Variants in INTU observed in about 807,000 individuals in gnomAD.
The protein encoded by INTU is protein inturned.
A neutral mutation model predicts 100.5 loss-of-function variants in INTU; 68 were observed. That is an observed-to-expected ratio of 0.68 (90% CI 0.56 to 0.83). The LOEUF (loss-of-function observed/expected upper bound fraction) is 0.83. INTU is among the 40% of genes least tolerant of loss of function. INTU has a pLI of 0.00. For missense variants in INTU, 1,071 were observed against 1,114.7 expected, an observed-to-expected ratio of 0.96 and a Z score of 0.56; for synonymous variants, 357 against 395.7, an observed-to-expected ratio of 0.90 and a Z score of 1.16.
At chr4:127,666,234 G>C (rs769158643) in intron 4 of INTU, among the ~76,000 whole-genome samples, 9 of 151,954 alleles carry the variant, frequency 5.9e-5, no homozygotes, top group Non-Finnish European at 1.0e-4. Flanking sequence ...TCATCTTTGT[G>C]ACTCTATACT....
rs1731322204 is a variant in INTU at position 127,719,954 on chromosome 4, A to G, written c.*3518A>G. On this transcript the variant is annotated 3_prime_UTR_variant, in exon 16 of 16. Coordinates refer to ENST00000335251, the MANE Select transcript of INTU (RefSeq NM_015693.4). The stretch of plus-strand genomic sequence containing the variant: ...AGCCCCTGGATTCATTTATTTTTTG[A>G]AGGGTTTTTCATGTCTCTAGCTCCT... 1 of 151,680 alleles carries G rather than the reference A, an allele frequency of 6.6e-6. No individual in the cohort carries two copies. Among genetic ancestry groups the G allele is most frequent in the Non-Finnish European group, 1.5e-5 (1 of 67,928 alleles). The allele number at this position is 151,680 out of a possible 1,614,324, so 9.4% of individuals were successfully genotyped here. A position where few individuals can be genotyped will look rare whatever the true frequency, so the allele number is the denominator to read the frequency against.
Position 127,653,621 on chromosome 4 carries a change from T to C in INTU, c.683-3015T>C, listed in dbSNP as rs942516561. Among the ~76,000 whole-genome samples, 754 of 152,114 alleles carry C rather than the reference T, an allele frequency of 5.0e-3. 17 individuals are homozygous for C. Among genetic ancestry groups the C allele is most frequent in the Admixed American group, 0.038 (573 of 15,276 alleles). Reference sequence around the variant, plus strand: ...ATAATTTCTGTCCTTTTACATTTGCTGAGGAGAGCTTTACTTCCAACTATG... The same window carrying C: ...ATAATTTCTGTCCTTTTACATTTGCCGAGGAGAGCTTTACTTCCAACTATG... On this transcript the variant is annotated intron_variant, in intron 2 of 15. Coordinates refer to ENST00000335251, the MANE Select transcript of INTU (RefSeq NM_015693.4).
intron 2 of INTU, among the ~76,000 whole-genome samples, chr4:127,655,295 T>C (rs1046897433): frequency 1.7e-4 from 26 of 152,258 alleles, no homozygotes; most frequent in Admixed American, 1.2e-3. Context: ...GGAGGAGAGG[T>C]GCTCTGCGTT....
intron 2 of INTU, among the ~76,000 whole-genome samples, chr4:127,650,980 A>AT (rs1210189231): frequency 1.3e-5 from 2 of 152,002 alleles, no homozygotes; most frequent in African/African-American, 2.4e-5. Context: ...AGTGATGAGC[A>AT]TTTTTTCATG....
At chr4:127,688,971 C>CTTTTTTTTTTTTTTTTTTT (rs763570146) in intron 8 of INTU, among the ~76,000 whole-genome samples, 3 of 88,026 alleles carry the variant, frequency 3.4e-5, no homozygotes, top group Non-Finnish European at 7.1e-5. Context: ...TTCTTTCTTT[C>CTTTTTTTTTTTTTTTTTTT]TTTTTTTTTT....
chr4:127,647,263 T>C (rs1727632446), intron 2 of INTU, among the ~76,000 whole-genome samples: 1 of 152,216 alleles, frequency 6.6e-6, no homozygotes, highest in Non-Finnish European at 1.5e-5. Context: ...CTTGCAATAA[T>C]GTAAGCCAGA....
In INTU at chr4:127,644,046, G is replaced by C. The variant is rs937963325; in HGVS notation, c.672G>C (p.Gln224His). Residue 224 changes from glutamine (Q) to histidine (H), a missense_variant, in exon 2 of 16, where the codon CAG (glutamine) becomes CAC (histidine). Transcript: ENST00000335251. ...LPGGSAMKSGQVLIGDVLVAV... is the reference protein window; with the variant it reads ...LPGGSAMKSGHVLIGDVLVAV... Reference sequence around the variant, plus strand: ...GGGGATCTGCTATGAAGAGCGGTCAGGTACTCATTGGTAAGTGTTGCTGGT... The same window carrying C: ...GGGGATCTGCTATGAAGAGCGGTCACGTACTCATTGGTAAGTGTTGCTGGT... The C allele has an allele frequency of 6.2e-6, 10 of 1,611,140 alleles. No homozygotes were observed. In the African/African-American group the frequency reaches 1.2e-4, roughly 19 times the overall value.
At chr4:127,651,200 T>C (rs1727853671) in intron 2 of INTU, among the ~76,000 whole-genome samples, 1 of 152,134 alleles carries the variant, frequency 6.6e-6, no homozygotes, top group African/African-American at 2.4e-5. Context: ...TTTCTTTTGC[T>C]GTGCAGAAGC....
At chr4:127,695,954 T>G (rs192163064) in intron 8 of INTU, among the ~76,000 whole-genome samples, 4 of 152,338 alleles carry the variant, frequency 2.6e-5, no homozygotes, top group African/African-American at 7.2e-5. Context: ...TAGAATCATG[T>G]GATTTTTTTA....
In INTU at chr4:127,663,455, C is replaced by G; in HGVS notation, c.843C>G (p.Ser281=). The part of the protein sequence containing the change: ...TSHPRQKKTQ[S]NTSDLVKLLW... ...ATCCAAGACAGAAAAAGACACAGTC[C>G]AACACAAGTGATTTAGTCAAGCTTC... is the stretch of plus-strand genomic sequence containing the variant. The change falls in exon 4 of 16, where the codon TCC becomes TCG. Residue 281 remains serine (S), a synonymous_variant. Transcript: ENST00000335251. The G allele has an allele frequency of 6.2e-7, 1 of 1,613,390 alleles. No homozygotes were observed.
At chr4:127,641,011 C>A (rs1313156514) in intron 1 of INTU, among the ~76,000 whole-genome samples, 5 of 100,132 alleles carry the variant, frequency 5.0e-5, no homozygotes, top group Non-Finnish European at 2.0e-5. Context: ...CAACATGAAT[C>A]CCTCTCTCTC....
intron 3 of INTU, among the ~76,000 whole-genome samples, chr4:127,658,600 C>T (rs1728340174): frequency 6.6e-6 from 1 of 152,200 alleles, no homozygotes; most frequent in South Asian, 2.1e-4. Context: ...ATGTTGGTTG[C>T]AGGTGTGCTT....
rs1333990215 is a variant in INTU at position 127,706,821 on chromosome 4, G to T, written c.2123G>T (p.Ser708Ile). 4 of 1,614,130 alleles carry T rather than the reference G, an allele frequency of 2.5e-6. No homozygotes were observed. The highest frequency in any genetic ancestry group is 1.1e-5 in the South Asian group (1 of 91,084). The change falls in exon 12 of 16, where the codon AGT becomes ATT. Residue 708 changes from serine (S) to isoleucine (I), a missense_variant. Physicochemically the swap from Ser to Ile is moderately radical, Grantham distance 142. Transcript: ENST00000335251. ...TATTCCTTAAAGACACGCAAGCCTA[G>T]TCCTTCCTGTAGTAGTGGAGGATCT... is the stretch of plus-strand genomic sequence containing the variant. ...GDYSLKTRKP[S>I]PSCSSGGSDN...
Position 127,706,853 on chromosome 4 carries a change from G to A in INTU, c.2155G>A (p.Gly719Ser). 6.2e-7 allele frequency: 1 copy of A among 1,614,072 alleles called. No individual in the cohort carries two copies. The highest frequency in any genetic ancestry group is 1.1e-5 in the South Asian group (1 of 91,080). ...PSCSSGGSDN[G>S]CEGGEDDGFS... ...CTGTAGTAGTGGAGGATCTGACAAT[G>A]GTTGTGAAGGTGGAGAAGATGATGG... Residue 719 changes from glycine to serine, a missense_variant, in exon 12 of 16, where the codon GGT (glycine) becomes AGT (serine). Coordinates refer to ENST00000335251, the MANE Select transcript of INTU (RefSeq NM_015693.4).
At chr4:127,709,699 T>C (rs921872301) in intron 13 of INTU, among the ~76,000 whole-genome samples, 1 of 123,804 alleles carries the variant, frequency 8.1e-6, no homozygotes, top group Admixed American at 8.7e-5. Flanking sequence ...ACTAGACACG[T>C]ACTAATAGAA....
intron 2 of INTU, among the ~76,000 whole-genome samples, chr4:127,655,210 T>C (rs1009661673): frequency 6.6e-6 from 1 of 152,018 alleles, no homozygotes; most frequent in African/African-American, 2.4e-5. Flanking sequence ...TCTGAAGCCT[T>C]CTTCTCTCAG....
rs972078173 is a variant in INTU at position 127,725,341 on chromosome 4, A to C, written c.*8905A>C. 2 of 152,070 alleles carry C rather than the reference A, an allele frequency of 1.3e-5. No individual in the cohort carries two copies. Among genetic ancestry groups the C allele is most frequent in the Admixed American group, 6.6e-5 (1 of 15,264 alleles). The allele number at this position is 152,070 out of a possible 1,614,324, so 9.4% of individuals were successfully genotyped here. A position where few individuals can be genotyped will look rare whatever the true frequency, so the allele number is the denominator to read the frequency against. ...AAAAGCTTGAAATACCTTCCCCTTA[A>C]GATCACAATATTGTCATATGCTACC... On this transcript the variant is annotated 3_prime_UTR_variant, in exon 16 of 16. Transcript: ENST00000335251.
At chr4:127,652,404 T>G (rs1355028008) in intron 2 of INTU, among the ~76,000 whole-genome samples, 1 of 145,878 alleles carries the variant, frequency 6.9e-6, no homozygotes. Context: ...CATCAATACC[T>G]AATTTATTGA....
intron 2 of INTU, among the ~76,000 whole-genome samples, chr4:127,652,755 T>TC (rs1428357623): frequency 7.4e-6 from 1 of 135,424 alleles, no homozygotes; most frequent in Admixed American, 7.8e-5. Context: ...TAGGAAGGAT[T>TC]CCCTCTTTTT....
Sources: gnomAD v4.1 joint callset for allele counts (sites outside exome capture counted in the v4.1 genomes callset) on GRCh38, gnomAD v4.1.1 for gene constraint, MANE v1.5 for transcripts, NCBI Gene and HGNC (gene_info 2026-07-23, HGNC 2026-07-21) for gene names.